Variants in SLC9B1 observed in about 807,000 individuals in gnomAD.
SLC9B1 encodes solute carrier family 9 member B1.
Under a neutral mutation model 51.7 loss-of-function variants are expected in SLC9B1, and 32 were observed. The ratio of observed to expected loss-of-function variants is 0.62; its 90% CI spans 0.47 to 0.83. SLC9B1 has a LOEUF of 0.83. Among genes scored for constraint, SLC9B1 ranks in the 40% least tolerant of loss-of-function variants. SLC9B1 has a pLI of 0.00. For synonymous variants in SLC9B1, 145 were observed against 212.7 expected (o/e 0.68, Z 2.77); for missense variants, 406 against 613.2 (o/e 0.66, Z 3.57).
chr4:102,901,530 C>G (rs550742404), intron 11 of SLC9B1, among the ~76,000 whole-genome samples, 198 bp from the exon 12 acceptor site: 1 of 152,282 alleles, frequency 6.6e-6, no homozygotes, highest in Admixed American at 6.5e-5. Flanking sequence ...ACAATAGTGA[C>G]AAATCAGCAG....
chr4:102,989,893 A>T lies in SLC9B1; in HGVS notation c.118T>A (p.Leu40Ile). 2 of 1,598,744 alleles carry T rather than the reference A, an allele frequency of 1.3e-6. No individual in the cohort carries two copies. Among genetic ancestry groups the T allele is most frequent in the Non-Finnish European group, 1.7e-6 (2 of 1,168,944 alleles). Residue 40 changes from leucine (L) to isoleucine (I), a missense_variant, in exon 3 of 12, where the codon TTA (leucine) becomes ATA (isoleucine). Leu to Ile is a conservative substitution (Grantham distance 5). Transcript: ENST00000296422. ...NTAQEETKTVLSDTEEIKPQT... is the reference protein window; with the variant it reads ...NTAQEETKTVISDTEEIKPQT... ...GGTTTTATTTCTTCTGTATCTGATA[A>T]GACAGTTTTAGTTTCTTCCTGTGCA... is the stretch of plus-strand genomic sequence containing the variant.
intron 7 of SLC9B1, among the ~76,000 whole-genome samples, chr4:102,927,484 T>A (rs573707441): frequency 6.6e-6 from 1 of 152,336 alleles, no homozygotes; most frequent in South Asian, 2.1e-4. Context: ...ATGCTCATCA[T>A]CACTGGTCAT....
At chr4:103,013,279 A>G (rs1192750146) in intron 1 of SLC9B1, among the ~76,000 whole-genome samples, 2 of 152,186 alleles carry the variant, frequency 1.3e-5, no homozygotes, top group Non-Finnish European at 2.9e-5. Flanking sequence ...GTAAATATCC[A>G]TTGATTATTC....
intron 7 of SLC9B1, among the ~76,000 whole-genome samples, chr4:102,925,430 A>C (rs1277462642): frequency 1.3e-5 from 2 of 152,076 alleles, no homozygotes; most frequent in African/African-American, 4.8e-5. Context: ...AGGGGATAGC[A>C]TTAGGAGATA....
chr4:102,894,225 C>T (rs141179054), intron 11 of SLC9B1, among the ~76,000 whole-genome samples: 2,792 of 152,200 alleles, frequency 0.018, 79 homozygotes, highest in African/African-American at 0.061. Context: ...TAAACATAAC[C>T]GTTATTTATG....
chr4:102,898,025 T>C (rs1208250734), downstream of SLC9B1: 5 of 419,600 alleles, frequency 1.2e-5, no homozygotes, highest in Non-Finnish European at 2.3e-5. Flanking sequence ...AACGAGTGAA[T>C]GGCTCTTTCC....
chr4:102,922,726 C>G (rs1178493499), intron 7 of SLC9B1, among the ~76,000 whole-genome samples: 5 of 152,170 alleles, frequency 3.3e-5, no homozygotes, highest in African/African-American at 1.2e-4. Context: ...AAGGGGATAT[C>G]ACCACTGAGC....
chr4:102,963,703 T>C (rs1578384955), intron 3 of SLC9B1, among the ~76,000 whole-genome samples: 1 of 152,208 alleles, frequency 6.6e-6, no homozygotes, highest in Non-Finnish European at 1.5e-5. Flanking sequence ...CAGGAAATAA[T>C]GCAGTGGTAT....
intron 11 of SLC9B1, chr4:102,892,348 C>T (rs1734289855): frequency 6.6e-6 from 1 of 152,202 alleles, no homozygotes; most frequent in Non-Finnish European, 1.5e-5. Context: ...GCATGAGCAA[C>T]CATGCCTGGT....
intron 7 of SLC9B1, among the ~76,000 whole-genome samples, chr4:102,912,751 G>A (rs1735399380): frequency 6.6e-6 from 1 of 152,066 alleles, no homozygotes; most frequent in Non-Finnish European, 1.5e-5. Context: ...TATGTGGTGT[G>A]TGCCTATAGT....
chr4:102,981,319 G>C (rs986477959), intron 3 of SLC9B1, among the ~76,000 whole-genome samples: 5 of 152,084 alleles, frequency 3.3e-5, no homozygotes, highest in African/African-American at 1.2e-4. Flanking sequence ...CCATGTTTAT[G>C]TGCAGGTTTT....
In SLC9B1 at chr4:102,905,552, A is replaced by G. The variant is rs765048428; in HGVS notation, c.1294T>C (p.Phe432Leu). Residue 432 changes from phenylalanine to leucine, a missense_variant, in exon 11 of 12, where the codon TTT becomes CTT. Phe to Leu is a conservative substitution (Grantham distance 22). This residue lies in a region of SLC9B1 where 4 missense variants were observed against 26.5 expected (regional missense o/e 0.15). Coordinates refer to ENST00000296422, the MANE Select transcript of SLC9B1 (RefSeq NM_139173.4). ...TTGGGCATCCATGCTAAAGCAATAA[A>G]TATTTTCTCCTTAAAACTAAAACCA... ...FAGFSFKEKI[F>L]IALAWMPKAT... 3.7e-6 allele frequency: 6 copies of G among 1,611,350 alleles called. No homozygotes were observed. In the South Asian group the frequency reaches 6.6e-5, roughly 18 times the overall value.
intron 3 of SLC9B1, among the ~76,000 whole-genome samples, chr4:102,979,483 T>A (rs985591770): frequency 6.6e-6 from 1 of 152,198 alleles, no homozygotes; most frequent in Non-Finnish European, 1.5e-5. Flanking sequence ...TTGAGGCAAG[T>A]CCTTCCTCAT....
At chr4:102,988,238 C>T (rs1234463426) in intron 3 of SLC9B1, among the ~76,000 whole-genome samples, 1 of 152,098 alleles carries the variant, frequency 6.6e-6, no homozygotes, top group Non-Finnish European at 1.5e-5. Flanking sequence ...ATCTTAAGCT[C>T]TAAATCTACT....
chr4:102,978,089 G>T (rs947588911), intron 3 of SLC9B1, among the ~76,000 whole-genome samples: 1 of 152,106 alleles, frequency 6.6e-6, no homozygotes, highest in African/African-American at 2.4e-5. Context: ...ATAGTTTGCT[G>T]AGAATGATGG....
intron 1 of SLC9B1, among the ~76,000 whole-genome samples, chr4:102,995,821 T>C (rs893816860): frequency 1.3e-5 from 2 of 152,202 alleles, no homozygotes; most frequent in Admixed American, 1.3e-4. Flanking sequence ...GCTTAGTTTA[T>C]TGGTTATCAT....
intron 3 of SLC9B1, among the ~76,000 whole-genome samples, chr4:102,976,584 C>T (rs1739081588): frequency 6.6e-6 from 1 of 152,038 alleles, no homozygotes; most frequent in Non-Finnish European, 1.5e-5. Context: ...ATTAAAATGG[C>T]ATAAGTGCCA....
chr4:103,008,168 C>A (rs1460345281), intron 1 of SLC9B1, among the ~76,000 whole-genome samples: 1 of 152,084 alleles, frequency 6.6e-6, no homozygotes, highest in East Asian at 1.9e-4. Flanking sequence ...ACATATCTTG[C>A]TATTATGGGA....
intron 1 of SLC9B1, among the ~76,000 whole-genome samples, chr4:103,007,591 CTTTTT>C (rs58447131): frequency 9.3e-6 from 1 of 107,714 alleles, no homozygotes; most frequent in African/African-American, 3.9e-5. Context: ...CTCTTGTCAT[CTTTTT>C]TTTTTTTTTT....
Sources: allele counts gnomAD v4.1 joint callset (sites outside exome capture counted in the v4.1 genomes callset), GRCh38; gene constraint gnomAD v4.1.1; regional missense constraint gnomAD v4.1.1; transcripts MANE v1.5; gene names NCBI Gene and HGNC (gene_info 2026-07-23, HGNC 2026-07-21).